DCC: variants seen among roughly 807,000 people sequenced by gnomAD.
The protein encoded by DCC is DCC netrin 1 receptor.
DCC carries 58 observed loss-of-function variants against 172.5 expected under a neutral mutation model. The ratio of observed to expected loss-of-function variants is 0.34; its 90% CI spans 0.27 to 0.42. The LOEUF is 0.42. Ranked by LOEUF, DCC falls within the 10% of genes least tolerant of loss-of-function variation. The pLI, the probability that DCC is intolerant of heterozygous loss-of-function variation, is 1.00. For synonymous variants in DCC, 709 were observed against 644.5 expected (o/e 1.10, Z -1.52); for missense variants, 1,740 against 1,791.0 (o/e 0.97, Z 0.51).
chr18:52,841,284 C>T (rs906132915), intron 2 of DCC, among the ~76,000 whole-genome samples: 4 of 100,366 alleles, frequency 4.0e-5, no homozygotes, highest in African/African-American at 1.0e-4. Flanking sequence ...TTGTTTTCTG[C>T]TTAAAAAAAA....
chr18:52,633,705 G>T (rs1426306827), intron 1 of DCC, among the ~76,000 whole-genome samples: 1 of 152,126 alleles, frequency 6.6e-6, no homozygotes, highest in East Asian at 1.9e-4. Flanking sequence ...CCTAGAGTTT[G>T]GCTGTTTTCC....
chr18:53,036,536 A>T (rs1216237100), intron 5 of DCC, among the ~76,000 whole-genome samples: 3 of 152,000 alleles, frequency 2.0e-5, no homozygotes. Context: ...CTGCTACTTC[A>T]CTGTAACATT....
At chr18:52,445,787 G>A (rs1041500599) in intron 1 of DCC, among the ~76,000 whole-genome samples, 6 of 152,146 alleles carry the variant, frequency 3.9e-5, no homozygotes, top group African/African-American at 1.4e-4. Context: ...TTAATAAGTG[G>A]CCCCTAGTGT....
At chr18:52,993,113 G>A (rs538739598) in intron 5 of DCC, among the ~76,000 whole-genome samples, 10 of 152,004 alleles carry the variant, frequency 6.6e-5, no homozygotes, top group African/African-American at 2.4e-4. Context: ...TTGCCATAAA[G>A]GTAAGTTAAA....
intron 1 of DCC, among the ~76,000 whole-genome samples, chr18:52,474,887 G>T (rs532493289): frequency 6.6e-6 from 1 of 152,236 alleles, no homozygotes; most frequent in African/African-American, 2.4e-5. Flanking sequence ...TTAGACCATT[G>T]TTCAATGGAC....
At chr18:52,992,197 G>A (rs58735160) in intron 5 of DCC, among the ~76,000 whole-genome samples, 7,555 of 152,250 alleles carry the variant, frequency 0.05, 332 homozygotes, top group East Asian at 0.21. Context: ...GAAGAAAGCG[G>A]TTTTGCAGAT....
intron 1 of DCC, among the ~76,000 whole-genome samples, chr18:52,603,341 C>T (rs1222992263): frequency 6.6e-6 from 1 of 152,002 alleles, no homozygotes; most frequent in Non-Finnish European, 1.5e-5. Context: ...TCTGCTTTCT[C>T]ATCCATTAGA....
chr18:52,392,719 A>G (rs1986075963), intron 1 of DCC, among the ~76,000 whole-genome samples: 1 of 151,972 alleles, frequency 6.6e-6, no homozygotes, highest in South Asian at 2.1e-4. Context: ...TACATTATTT[A>G]CTTTGGTGTG....
intron 7 of DCC, among the ~76,000 whole-genome samples, chr18:53,084,924 A>T (rs1311682453): frequency 2.0e-5 from 3 of 152,180 alleles, no homozygotes; most frequent in Non-Finnish European, 2.9e-5. Context: ...ACAAATAGTG[A>T]TTTTTAAAAT....
intron 2 of DCC, among the ~76,000 whole-genome samples, chr18:52,883,803 A>G (rs2039530365): frequency 6.6e-6 from 1 of 151,706 alleles, no homozygotes; most frequent in Non-Finnish European, 1.5e-5. Context: ...TGAGATTTGT[A>G]CCTTCAGATC....
rs181073586 is a variant in DCC, at chr18:52,821,033, C to A, written c.412+68659C>A. 2.8e-3 allele frequency among the ~76,000 whole-genome samples: 430 copies of A among 152,276 alleles called. 1 individual carries two copies. Among genetic ancestry groups the A allele is most frequent in the African/African-American group, 9.8e-3 (407 of 41,548 alleles). ...TGTTTTCGTGCTGAATTTGTTCTCT[C>A]ATTTTATGACGTTATTTCATAGTTT... On this transcript the variant is annotated intron_variant, in intron 2 of 28. Coordinates refer to ENST00000442544, the MANE Select transcript of DCC (RefSeq NM_005215.4).
chr18:52,388,310 A>C (rs1985897529), intron 1 of DCC, among the ~76,000 whole-genome samples: 1 of 151,612 alleles, frequency 6.6e-6, no homozygotes, highest in Admixed American at 6.6e-5. Flanking sequence ...AAATTCATAG[A>C]TGTGCTATGT....
At chr18:53,093,358 C>T (rs2043041008) in intron 7 of DCC, among the ~76,000 whole-genome samples, 2 of 152,274 alleles carry the variant, frequency 1.3e-5, no homozygotes, top group East Asian at 1.9e-4. Context: ...TTGAATAACA[C>T]GTTACTATTG....
chr18:53,257,071 A>C (rs1480194916), intron 12 of DCC, among the ~76,000 whole-genome samples: 1 of 152,206 alleles, frequency 6.6e-6, no homozygotes, highest in Non-Finnish European at 1.5e-5. Context: ...TTGTATCCTG[A>C]GACTTTGCTG....
intron 1 of DCC, among the ~76,000 whole-genome samples, chr18:52,488,671 C>G (rs1022005158): frequency 1.3e-5 from 2 of 152,080 alleles, no homozygotes; most frequent in African/African-American, 4.8e-5. Flanking sequence ...AAAAGTCTCA[C>G]CCCATAGACA....
chr18:53,443,136 AC>A (rs765195027), intron 22 of DCC, among the ~76,000 whole-genome samples: 7 of 152,172 alleles, frequency 4.6e-5, no homozygotes, highest in Non-Finnish European at 8.8e-5. Context: ...AGACAAAAGA[AC>A]CGTATATTGG....
At chr18:52,705,748 T>C (rs1023547899) in intron 1 of DCC, among the ~76,000 whole-genome samples, 4 of 152,148 alleles carry the variant, frequency 2.6e-5, no homozygotes, top group Admixed American at 6.6e-5. Context: ...CTGGCACAAA[T>C]ATAGGTAAAG....
At chr18:53,009,061 A>C (rs1362933603) in intron 5 of DCC, among the ~76,000 whole-genome samples, 2 of 151,902 alleles carry the variant, frequency 1.3e-5, no homozygotes, top group Non-Finnish European at 2.9e-5. Flanking sequence ...AATCATCCTC[A>C]TGCCGCTCTG....
At chr18:52,901,713 C>T (rs2039811011) in intron 2 of DCC, among the ~76,000 whole-genome samples, 1 of 152,072 alleles carries the variant, frequency 6.6e-6, no homozygotes, top group Non-Finnish European at 1.5e-5. Flanking sequence ...AGTGACAGAG[C>T]CAAAGCTCAA....
Sources: allele counts gnomAD v4.1 joint callset (sites outside exome capture counted in the v4.1 genomes callset), GRCh38; gene constraint gnomAD v4.1.1; transcripts MANE v1.5; gene names NCBI Gene and HGNC (gene_info 2026-07-23, HGNC 2026-07-21).